The following TMIGD3 variants were observed in gnomAD, a reference collection of about 807,000 sequenced individuals.
TMIGD3 encodes AD026 protein (AD026).
In TMIGD3, 21 loss-of-function variants were observed where a neutral mutation model predicts 28.1. The observed-to-expected ratio is 0.75, with a 90% confidence interval of 0.53 to 1.08. The LOEUF is 1.08. Among genes scored for constraint, TMIGD3 ranks in the 50% least tolerant of loss-of-function variants. The pLI is 0.00. For synonymous variants in TMIGD3, 151 were observed against 162.1 expected (o/e 0.93, Z 0.52); for missense variants, 416 against 435.6 (o/e 0.96, Z 0.40).
chr1:111,496,078 T>C (rs1273987299), intron 1 of TMIGD3, among the ~76,000 whole-genome samples: 3 of 152,144 alleles, frequency 2.0e-5, no homozygotes, highest in East Asian at 1.9e-4. Flanking sequence ...ACCAGGGTGA[T>C]GAAATAATCT....
chr1:111,507,035 GTGTGTATATATA>G (rs746082208), upstream of TMIGD3, among the ~76,000 whole-genome samples: 82 of 53,760 alleles, frequency 1.5e-3, no homozygotes, highest in Middle Eastern at 0.013. Flanking sequence ...GTGTGTGTGT[GTGTGTATATATA>G]TATATATATA....
At chr1:111,516,310 A>G (rs184708524) in intron 1 of TMIGD3, among the ~76,000 whole-genome samples, 2 of 152,330 alleles carry the variant, frequency 1.3e-5, no homozygotes, top group East Asian at 3.9e-4. Context: ...AGGAGGAGGA[A>G]CTTGTAGAAA....
At chr1:111,549,598 C>T (rs1288673763) in intron 1 of TMIGD3, among the ~76,000 whole-genome samples, 4 of 149,680 alleles carry the variant, frequency 2.7e-5, no homozygotes, top group South Asian at 2.1e-4. Context: ...TGTGGTGAGC[C>T]GATATCATGC....
At chr1:111,562,998 C>A (rs545532847) in intron 1 of TMIGD3, among the ~76,000 whole-genome samples, 1 of 152,268 alleles carries the variant, frequency 6.6e-6, no homozygotes, top group East Asian at 1.9e-4. Flanking sequence ...CTCACAACAG[C>A]CTTTTATAAA....
At chr1:111,516,903 CCTT>C (rs1166984578) in intron 1 of TMIGD3, among the ~76,000 whole-genome samples, 2 of 152,168 alleles carry the variant, frequency 1.3e-5, no homozygotes, top group Non-Finnish European at 2.9e-5. Context: ...ATAAATCAGA[CCTT>C]CTGGCTTTTT....
intron 1 of TMIGD3, among the ~76,000 whole-genome samples, chr1:111,537,811 AAATTAAAACAATGT>A (rs1656690447): frequency 6.6e-6 from 1 of 152,236 alleles, no homozygotes; most frequent in Non-Finnish European, 1.5e-5. Context: ...ATTTTAAGTA[AAATTAAAACAATGT>A]AATTAGCAAT....
At chr1:111,554,827 G>T (rs1305558084) in intron 1 of TMIGD3, among the ~76,000 whole-genome samples, 1 of 151,946 alleles carries the variant, frequency 6.6e-6, no homozygotes, top group African/African-American at 2.4e-5. Context: ...TCTCTACTCA[G>T]GAATCTAAGA....
chr1:111,496,191 G>C (rs1278803134), intron 1 of TMIGD3, among the ~76,000 whole-genome samples: 4 of 152,072 alleles, frequency 2.6e-5, no homozygotes, highest in Non-Finnish European at 5.9e-5. Flanking sequence ...TTTAAAAAGA[G>C]ACATTAAAAA....
At chr1:111,515,482 T>C (rs762835225) in intron 1 of TMIGD3, among the ~76,000 whole-genome samples, 8 of 152,010 alleles carry the variant, frequency 5.3e-5, no homozygotes, top group African/African-American at 9.7e-5. Context: ...CCGATGGGAG[T>C]TGGGGACGCT....
chr1:111,493,109 A>C (rs1312092870), intron 1 of TMIGD3, among the ~76,000 whole-genome samples: 2 of 152,202 alleles, frequency 1.3e-5, no homozygotes, highest in Non-Finnish European at 2.9e-5. Flanking sequence ...CAAATGAAAT[A>C]AGATTGGCCA....
intron 1 of TMIGD3, among the ~76,000 whole-genome samples, chr1:111,530,271 A>G (rs1486190028): frequency 6.6e-6 from 1 of 152,154 alleles, no homozygotes; most frequent in Non-Finnish European, 1.5e-5. Context: ...CCTTGTGTTA[A>G]TGTTATACAT....
At chr1:111,529,175 G>C (rs918151678) in intron 1 of TMIGD3, among the ~76,000 whole-genome samples, 6 of 151,180 alleles carry the variant, frequency 4.0e-5, no homozygotes, top group African/African-American at 1.5e-4. Flanking sequence ...GAGATCATGG[G>C]TATACTACCA....
At chr1:111,515,708 C>T (rs1032669886) in intron 1 of TMIGD3, among the ~76,000 whole-genome samples, 2 of 152,226 alleles carry the variant, frequency 1.3e-5, no homozygotes, top group South Asian at 4.1e-4. Context: ...GACAACCCCC[C>T]AGAAGTCGCA....
At chr1:111,561,249 A>C (rs537478003) in intron 1 of TMIGD3, among the ~76,000 whole-genome samples, 1 of 152,186 alleles carries the variant, frequency 6.6e-6, no homozygotes, top group Non-Finnish European at 1.5e-5. Context: ...TCAGCCTCCC[A>C]AGTAGCTGGG....
chr1:111,488,669 C>T lies in TMIGD3; in HGVS notation c.805+8G>A, dbSNP rs767101248. ...TACATCCAGCCAGACCCCAGGCAGG[C>T]TCCTTACCTTTCCCAGACCAAAAGT... On this transcript the variant is annotated splice_region_variant and intron_variant, in intron 3 of 5. Transcript: ENST00000369716. 12 of 1,610,466 alleles carry T rather than the reference C, an allele frequency of 7.5e-6. No individual in the cohort carries two copies. In the Admixed American group the frequency reaches 2.0e-4, roughly 27 times the overall value.
intron 1 of TMIGD3, among the ~76,000 whole-genome samples, chr1:111,529,382 T>A (rs1656373884): frequency 6.6e-6 from 1 of 151,870 alleles, no homozygotes; most frequent in Non-Finnish European, 1.5e-5. Context: ...CTTTCTTTTT[T>A]TTTTAATTGA....
intron 1 of TMIGD3, chr1:111,542,344 T>C: frequency 2.5e-6 from 1 of 399,182 alleles, no homozygotes; most frequent in African/African-American, 2.0e-5. Flanking sequence ...TGTGGCTCCT[T>C]CCACGTGGGT....
At chr1:111,527,377 C>T (rs1162687713) in intron 1 of TMIGD3, among the ~76,000 whole-genome samples, 2 of 152,156 alleles carry the variant, frequency 1.3e-5, no homozygotes, top group Admixed American at 6.5e-5. Flanking sequence ...CTACTGTCTG[C>T]ATGTACCACA....
At chr1:111,509,009 T>G (rs1012850606) in intron 1 of TMIGD3, among the ~76,000 whole-genome samples, 6 of 152,154 alleles carry the variant, frequency 3.9e-5, no homozygotes, top group African/African-American at 1.4e-4. Flanking sequence ...GCAGGAGAAT[T>G]GCTTGAACCC....
Sources: allele counts gnomAD v4.1 joint callset (sites outside exome capture counted in the v4.1 genomes callset), GRCh38; gene constraint gnomAD v4.1.1; transcripts MANE v1.5; gene names NCBI Gene and HGNC (gene_info 2026-07-23, HGNC 2026-07-21).